Variants in ATP9A observed in about 807,000 individuals in gnomAD.
ATP9A encodes ATPase phospholipid transporting 9A.
ATP9A carries 52 observed loss-of-function variants against 144.1 expected under a neutral mutation model. That is an observed-to-expected ratio of 0.36 (90% CI 0.29 to 0.45). The LOEUF (loss-of-function observed/expected upper bound fraction) is 0.45, where lower values mean the gene tolerates loss of function less well. Among genes scored for constraint, ATP9A ranks in the 20% least tolerant of loss-of-function variants. The probability of loss-of-function intolerance (pLI) is 1.00; values close to 1 mark genes in which losing one functional copy is unlikely to be tolerated. For missense variants in ATP9A, 947 were observed against 1,392.7 expected (o/e 0.68, Z 5.09); for synonymous variants, 582 against 557.4 (o/e 1.04, Z -0.62).
chr20:51,683,750 G>A (rs770719564), intron 9 of ATP9A, among the ~76,000 whole-genome samples: 1 of 152,256 alleles, frequency 6.6e-6, no homozygotes, highest in Middle Eastern at 3.4e-3. Context: ...AAGGCTGCTT[G>A]TTCACACGGG....
chr20:51,765,794 TA>T (rs756163135), intron 1 of ATP9A, among the ~76,000 whole-genome samples: 3 of 151,962 alleles, frequency 2.0e-5, no homozygotes, highest in Non-Finnish European at 4.4e-5. Flanking sequence ...CTCTCTCTAC[TA>T]AAAATACAAA....
rs742754 is a variant in ATP9A, at chr20:51,611,553, C to T, written c.2572-1388G>A. Among the ~76,000 whole-genome samples the T allele has an allele frequency of 0.49, 73,754 of 152,034 alleles. 18,446 individuals carry two copies. Among genetic ancestry groups the T allele is most frequent in the African/African-American group, 0.61 (25,225 of 41,476 alleles). Reference sequence around the variant, plus strand: ...TGCAATTCTAACTGGGACTTGCTCTCGGCCATTTTCAGCACAGTGGACAGG... The same window carrying T: ...TGCAATTCTAACTGGGACTTGCTCTTGGCCATTTTCAGCACAGTGGACAGG... On this transcript the variant is annotated intron_variant, in intron 23 of 27. Coordinates refer to ENST00000338821, the MANE Select transcript of ATP9A (RefSeq NM_006045.3). The surrounding 1 kb of genome is among the most constrained non-coding windows in gnomAD (Gnocchi z 4.2).
chr20:51,712,078 T>TTG (rs2077641450), intron 4 of ATP9A, among the ~76,000 whole-genome samples: 1 of 148,438 alleles, frequency 6.7e-6, no homozygotes, highest in Admixed American at 6.7e-5. Flanking sequence ...GCTGGTCTTT[T>TTG]TTTTTTTTTT....
chr20:51,735,433 T>C (rs2077759182), intron 1 of ATP9A, among the ~76,000 whole-genome samples: 1 of 152,170 alleles, frequency 6.6e-6, no homozygotes, highest in South Asian at 2.1e-4. Flanking sequence ...TTTAGTAAGA[T>C]TTGCATTTTT....
At chr20:51,651,363 T>TTATATTATATA (rs2077365601) in intron 14 of ATP9A, among the ~76,000 whole-genome samples, 1 of 138,844 alleles carries the variant, frequency 7.2e-6, no homozygotes, top group East Asian at 2.0e-4. Flanking sequence ...ATATTTACAT[T>TTATATTATATA]ATATATATTT....
At chr20:51,719,397 T>C (rs1328059894) in intron 3 of ATP9A, among the ~76,000 whole-genome samples, 1 of 152,088 alleles carries the variant, frequency 6.6e-6, no homozygotes, top group Admixed American at 6.6e-5. Flanking sequence ...TAAAAATTTT[T>C]AAAAATGATT....
chr20:51,681,369 A>G (rs6067892), intron 9 of ATP9A, among the ~76,000 whole-genome samples: 79,591 of 151,192 alleles, frequency 0.53, 21,692 homozygotes, highest in African/African-American at 0.66. Context: ...CTTTTTACTG[A>G]TTTTGGAGGA....
intron 1 of ATP9A, among the ~76,000 whole-genome samples, chr20:51,759,205 G>A (rs992534359): frequency 6.6e-6 from 1 of 152,226 alleles, no homozygotes; most frequent in Non-Finnish European, 1.5e-5. Context: ...ATCCCAGGGG[G>A]GCAAAGAGCT....
At position 51,611,219 on chromosome 20, in the gene ATP9A, G is replaced by GT. The variant is rs545843936; in HGVS notation, c.2572-1055dup. ...TTCAATGGACACAGAGAGAAAGCAT[G>GT]TAAGAAACACGTGCTTTCTCGGCAC... On this transcript the variant is annotated intron_variant, in intron 23 of 27. Coordinates refer to ENST00000338821, the MANE Select transcript of ATP9A (RefSeq NM_006045.3). This position sits in a 1 kb window ranked among gnomAD's most constrained non-coding sequence, Gnocchi z 4.2. 1.1e-3 allele frequency among the ~76,000 whole-genome samples: 162 copies of GT among 152,340 alleles called. No homozygotes were observed. The highest frequency in any genetic ancestry group is 2.0e-3 in the Non-Finnish European group (134 of 68,032).
intron 3 of ATP9A, among the ~76,000 whole-genome samples, chr20:51,723,936 C>T (rs1360283555): frequency 1.3e-5 from 2 of 152,046 alleles, no homozygotes; most frequent in African/African-American, 4.8e-5. Flanking sequence ...TTTCGGAGGC[C>T]GAGGTGGGTG....
intron 6 of ATP9A, among the ~76,000 whole-genome samples, chr20:51,695,157 T>G (rs1299936286): frequency 6.6e-6 from 1 of 152,106 alleles, no homozygotes; most frequent in Non-Finnish European, 1.5e-5. Flanking sequence ...AAAACAGCCT[T>G]ATTTCCTCAG....
At chr20:51,645,868 T>C (rs923089876) in intron 14 of ATP9A, among the ~76,000 whole-genome samples, 3 of 152,166 alleles carry the variant, frequency 2.0e-5, no homozygotes, top group Non-Finnish European at 4.4e-5. Context: ...TTCAAAGAAA[T>C]CACCCCGTAA....
At chr20:51,672,161 G>C (rs1196152218) in intron 11 of ATP9A, among the ~76,000 whole-genome samples, 3 of 152,050 alleles carry the variant, frequency 2.0e-5, no homozygotes, top group African/African-American at 7.2e-5. Context: ...TGACTTTTGG[G>C]GGGGCTTATT....
At chr20:51,731,447 G>A (rs999116316) in intron 1 of ATP9A, among the ~76,000 whole-genome samples, 5 of 152,098 alleles carry the variant, frequency 3.3e-5, no homozygotes, top group East Asian at 1.9e-4. Flanking sequence ...GCCAGGCGAG[G>A]TGGCTCACGC....
chr20:51,647,855 C>A (rs977106832), intron 14 of ATP9A, among the ~76,000 whole-genome samples: 1 of 152,218 alleles, frequency 6.6e-6, no homozygotes, highest in Non-Finnish European at 1.5e-5. Flanking sequence ...AAGGGAGGCA[C>A]ATCTGACAGT....
In ATP9A at chr20:51,642,724, TC is replaced by T. The variant is rs57544139; in HGVS notation, c.1507-3221del. 6.9e-3 allele frequency among the ~76,000 whole-genome samples: 56 copies of T among 8,120 alleles called. 10 individuals carry two copies. Among genetic ancestry groups the T allele is most frequent in the South Asian group, 0.025 (3 of 120 alleles). The allele number at this position is 8,120 out of a possible 152,430, so 5.3% of individuals were successfully genotyped here. On this transcript the variant is annotated intron_variant, in intron 14 of 27. Transcript: ENST00000338821. ...CTGGGTGACTGAGTGAGACTCTGTC[TC>T]CAAAAAAAAAAAAAAAAAAAAAAAA...
intron 27 of ATP9A, among the ~76,000 whole-genome samples, chr20:51,603,409 G>A (rs2077150635): frequency 1.3e-5 from 2 of 152,170 alleles, no homozygotes; most frequent in African/African-American, 4.8e-5. Context: ...CACAGAAAAT[G>A]CTGGATCATC....
At chr20:51,717,169 CAAAAAA>C (rs10577089) in intron 3 of ATP9A, among the ~76,000 whole-genome samples, 29,551 of 101,806 alleles carry the variant, frequency 0.29, 3,677 homozygotes, top group East Asian at 0.5. Context: ...AAGACTGCCT[CAAAAAA>C]AAAAAAAAAA....
rs948111514 is a variant in ATP9A, at chr20:51,598,191, G to C, written c.*3020C>G. ...ATTTTCTTAGAGAAAAAAAAAGAGA[G>C]ACAAAAAGGAAGGGGTGGGGGGAGG... On this transcript the variant is annotated 3_prime_UTR_variant, in exon 28 of 28. Transcript: ENST00000338821. 1.8e-5 allele frequency: 1 copy of C among 54,554 alleles called. No homozygotes were observed. Among genetic ancestry groups the C allele is most frequent in the Non-Finnish European group, 3.4e-5 (1 of 28,986 alleles). The allele number at this position is 54,554 out of a possible 1,614,324, so 3.4% of individuals were successfully genotyped here. A position where few individuals can be genotyped will look rare whatever the true frequency, so the allele number is the denominator to read the frequency against.
Sources: gnomAD v4.1 joint callset for allele counts (sites outside exome capture counted in the v4.1 genomes callset) on GRCh38, gnomAD v4.1.1 for gene constraint, Gnocchi (gnomAD v3.1) non-coding constraint, MANE v1.5 for transcripts, NCBI Gene and HGNC (gene_info 2026-07-23, HGNC 2026-07-21) for gene names.